Variants in CCDC57 observed in about 807,000 individuals in gnomAD.
CCDC57 encodes coiled-coil domain containing 57.
CCDC57 carries 118 observed loss-of-function variants against 118.9 expected under a neutral mutation model. The observed-to-expected ratio is 0.99, with a 90% CI of 0.86 to 1.16. The LOEUF is 1.16. Among genes scored for constraint, CCDC57 ranks in the 50% most tolerant of loss-of-function variants. CCDC57 has a pLI of 0.00. For synonymous variants in CCDC57, 527 were observed against 532.9 expected, an observed-to-expected ratio of 0.99 and a Z score of 0.15; for missense variants, 1,300 against 1,320.7, an observed-to-expected ratio of 0.98 and a Z score of 0.24.
At chr17:82,122,832 G>A (rs2036901976) in intron 19 of CCDC57, among the ~76,000 whole-genome samples, 2 of 152,152 alleles carry the variant, frequency 1.3e-5, no homozygotes, top group South Asian at 4.1e-4. Context: ...GGCTTTACAT[G>A]ACAGCTTGTG....
At chr17:82,175,638 T>G in intron 11 of CCDC57, 1 of 152,226 alleles carries the variant, frequency 6.6e-6, no homozygotes. Context: ...TCATCTTACA[T>G]ATGTTGATTG....
At chr17:82,104,536 T>A (rs1442274961) in intron 19 of CCDC57, among the ~76,000 whole-genome samples, 1 of 152,198 alleles carries the variant, frequency 6.6e-6, no homozygotes, top group Admixed American at 6.5e-5. Context: ...GAGGGTTTTT[T>A]AAATTTTTAT....
intron 19 of CCDC57, among the ~76,000 whole-genome samples, chr17:82,106,954 C>T (rs902080223): frequency 1.3e-5 from 2 of 152,206 alleles, no homozygotes; most frequent in Non-Finnish European, 2.9e-5. Flanking sequence ...AGCAGGTCAC[C>T]GCCATGTCCC....
At chr17:82,107,562 C>G in intron 19 of CCDC57, 2 of 470,912 alleles carry the variant, frequency 4.2e-6, no homozygotes, top group Non-Finnish European at 8.8e-6. Flanking sequence ...ACCTGGCGCT[C>G]GGCACACTGT....
intron 3 of CCDC57, among the ~76,000 whole-genome samples, chr17:82,199,638 G>A (rs956967633): frequency 6.6e-5 from 10 of 152,222 alleles, no homozygotes; most frequent in Admixed American, 5.2e-4. Context: ...AAGCAGCTAT[G>A]AGAAAGTCAG....
At chr17:82,184,029 G>GCACACACACACACA (rs1216297514) in intron 8 of CCDC57, 97 bp from the exon 8 acceptor site, 238 of 238,826 alleles carry the variant, frequency 1.0e-3, no homozygotes, top group East Asian at 4.5e-3. Flanking sequence ...GCGCGCGCGC[G>GCACACACACACACA]CGCACACACA....
At chr17:82,204,520 A>G (rs2049371879) in intron 2 of CCDC57, among the ~76,000 whole-genome samples, 1 of 152,338 alleles carries the variant, frequency 6.6e-6, no homozygotes, top group East Asian at 1.9e-4. Flanking sequence ...GCAGTGGCTC[A>G]TGCCTGTAAT....
At chr17:82,164,970 T>C (rs968636821) in intron 13 of CCDC57, among the ~76,000 whole-genome samples, 2 of 152,274 alleles carry the variant, frequency 1.3e-5, no homozygotes, top group African/African-American at 2.4e-5. Context: ...ATTATGAGAA[T>C]TGAAAATTAT....
chr17:82,184,031 G>GCGCGCGCGCACGCA, intron 8 of CCDC57, 99 bp from the exon 8 acceptor site: 1 of 128,352 alleles, frequency 7.8e-6, no homozygotes, highest in Non-Finnish European at 1.5e-5. Context: ...GCGCGCGCGC[G>GCGCGCGCGCACGCA]CACACACACA....
intron 16 of CCDC57, among the ~76,000 whole-genome samples, chr17:82,149,834 CA>C (rs2041626011): frequency 6.6e-6 from 1 of 150,508 alleles, no homozygotes; most frequent in Non-Finnish European, 1.5e-5. Context: ...ACCAGGCGCA[CA>C]CCCAGAACCT....
In CCDC57 at chr17:82,127,354, AT is replaced by A. The variant is rs1451046417; in HGVS notation, c.2899+337del. 1.9e-5 allele frequency: 19 copies of A among 982,806 alleles called. No homozygotes were observed. In the South Asian group the frequency reaches 7.5e-4, roughly 39 times the overall value. 60.9% of individuals were successfully genotyped at this position (982,806 alleles called of 1,614,324 possible). A position where few individuals can be genotyped will look rare whatever the true frequency, so the allele number is the denominator to read the frequency against. ...TGCCCACGCGTCTCACCTGGGCTCC[AT>A]TCTAAGTCAGCCTGCGCCCGGGTGT... On this transcript the variant is annotated intron_variant, in intron 19 of 19. Transcript: ENST00000665763.
At position 82,167,774 on chromosome 17, in the gene CCDC57, C is replaced by T. The variant is rs549273953; in HGVS notation, c.1882+3927G>A. Among the ~76,000 whole-genome samples, 4 of 152,310 alleles carry T rather than the reference C, an allele frequency of 2.6e-5. No individual in the cohort carries two copies. The South Asian group carries it at 8.3e-4, about 32-fold the overall frequency. The stretch of plus-strand genomic sequence containing the variant: ...GGGATTACAGGTGTGCGCCACCGTG[C>T]CCAGCTAATTTTTGTATTTTTAGTA... On this transcript the variant is annotated intron_variant, in intron 13 of 19. Transcript: ENST00000665763.
chr17:82,202,056 C>T lies in CCDC57; in HGVS notation c.-8-104G>A, dbSNP rs550873933. The T allele has an allele frequency of 2.1e-4, 237 of 1,144,516 alleles. 1 individual carries two copies. The South Asian group carries it at 3.7e-3, about 18-fold the overall frequency. The allele number at this position is 1,144,516 out of a possible 1,614,324, so 70.9% of individuals were successfully genotyped here. On this transcript the variant is annotated intron_variant, in intron 2 of 19. Coordinates refer to ENST00000665763, the Ensembl canonical transcript of CCDC57. ...CCTATCAACAGTTACCACGGCCGGG[C>T]ACGGTGGCTCACACCTGTAATCCCA...
intron 16 of CCDC57, among the ~76,000 whole-genome samples, chr17:82,135,652 A>G (rs373687573): frequency 1.3e-5 from 2 of 152,308 alleles, no homozygotes; most frequent in East Asian, 3.9e-4. Context: ...CAGAAGATGC[A>G]CGTGTGGGCA....
Position 82,198,313 on chromosome 17 carries a change from C to T in CCDC57, c.516+1G>A. On this transcript the variant is annotated splice_donor_variant, in intron 4 of 19. Coordinates refer to ENST00000665763, the Ensembl canonical transcript of CCDC57. LOFTEE classifies it high-confidence loss of function. ...GGAAGGGGCCGACCCAGAGGCTCTA[C>T]CTGTCTCTGCAGAGCAAGCTCACCG... 1 of 1,604,518 alleles carries T rather than the reference C, an allele frequency of 6.2e-7. No homozygotes were observed. The highest frequency in any genetic ancestry group is 8.5e-7 in the Non-Finnish European group (1 of 1,172,248).
At chr17:82,120,184 T>TC (rs398120072) in intron 19 of CCDC57, among the ~76,000 whole-genome samples, 42 of 151,910 alleles carry the variant, frequency 2.8e-4, no homozygotes, top group Non-Finnish European at 5.2e-4. Flanking sequence ...ATTTTTTTTT[T>TC]GCAGAGATGT....
rs115814687 is a variant in CCDC57 at position 82,141,955 on chromosome 17, T to G, written c.2456-7761A>C. 7.1e-3 allele frequency among the ~76,000 whole-genome samples: 1,081 copies of G among 152,300 alleles called. 9 individuals carry two copies. Among genetic ancestry groups the G allele is most frequent in the African/African-American group, 0.025 (1,055 of 41,576 alleles). On this transcript the variant is annotated intron_variant, in intron 16 of 19. Transcript: ENST00000665763. ...TTTGCGATTTTACCACTGATAGGCA[T>G]GCGGATTCTGCCCTGCCTGCCTCTC...
In CCDC57 at chr17:82,201,917, G is replaced by A. The variant is rs1205916843; in HGVS notation, c.28C>T (p.Leu10=). The A allele has an allele frequency of 1.9e-6, 3 of 1,602,628 alleles. No homozygotes were observed. In the East Asian group the frequency reaches 6.7e-5, roughly 36 times the overall value. The stretch of plus-strand genomic sequence containing the variant: ...TCCTTGCGAAGCAGCAGCTCATTCA[G>A]GGCGGGCTCTGAGCCCAGTGGCAGC... Residue 10 remains leucine (L), a synonymous_variant, in exon 3 of 20, where the codon CTG becomes TTG. Transcript: ENST00000665763.
intron 16 of CCDC57, among the ~76,000 whole-genome samples, chr17:82,149,405 G>A (rs1023661633): frequency 2.1e-4 from 32 of 152,042 alleles, no homozygotes; most frequent in Non-Finnish European, 7.4e-5. Context: ...TTCTTAGGAA[G>A]TCAGCTCCGG....
Sources: allele counts gnomAD v4.1 joint callset (sites outside exome capture counted in the v4.1 genomes callset), GRCh38; gene constraint gnomAD v4.1.1; transcripts MANE v1.5; gene names NCBI Gene and HGNC (gene_info 2026-07-23, HGNC 2026-07-21).